The following MMP20 variants were observed in gnomAD, a reference collection of about 807,000 sequenced individuals.
MMP20 encodes matrix metallopeptidase 20.
A neutral mutation model predicts 51.8 loss-of-function variants in MMP20; 50 were observed. The observed-to-expected ratio is 0.97, with a 90% confidence interval of 0.77 to 1.22. MMP20 has a LOEUF of 1.22. MMP20 is among the 50% of genes most tolerant of loss of function. The probability of loss-of-function intolerance (pLI) is 0.00; values close to 1 mark genes in which losing one functional copy is unlikely to be tolerated. For missense variants in MMP20, 663 were observed against 601.4 expected (o/e 1.10, Z -1.07); for synonymous variants, 244 against 216.2 (o/e 1.13, Z -1.13).
intron 4 of MMP20, among the ~76,000 whole-genome samples, 196 bp downstream of exon 4, chr11:102,609,709 C>T (rs543499353): frequency 5.9e-5 from 9 of 152,280 alleles, no homozygotes; most frequent in African/African-American, 2.2e-4. Context: ...TGAAACAGAT[C>T]AGACAAGTCT....
chr11:102,584,060 C>T (rs555237969), intron 8 of MMP20, among the ~76,000 whole-genome samples: 22 of 152,174 alleles, frequency 1.4e-4, no homozygotes, highest in African/African-American at 3.4e-4. Flanking sequence ...TTCCAGCATT[C>T]GTCTATTATT....
At chr11:102,605,537 T>G (rs922173175) in intron 6 of MMP20, 2 of 151,878 alleles carry the variant, frequency 1.3e-5, no homozygotes, top group African/African-American at 4.8e-5. Context: ...CAGGGAACTC[T>G]CTCTAGATCT....
intron 5 of MMP20, 44 bp from the exon 6 acceptor site, chr11:102,606,720 G>A: frequency 6.2e-7 from 1 of 1,609,576 alleles, no homozygotes; most frequent in Non-Finnish European, 8.5e-7. Flanking sequence ...CGGGAATTTG[G>A]AGTTCACACA....
chr11:102,602,247 C>T (rs1402493143), intron 6 of MMP20, among the ~76,000 whole-genome samples: 1 of 149,260 alleles, frequency 6.7e-6, no homozygotes, highest in Non-Finnish European at 1.5e-5. Context: ...GGATTACAGG[C>T]TTGAGCCACC....
chr11:102,609,190 C>G, intron 4 of MMP20, 92 bp from the exon 5 acceptor site: 2 of 1,126,982 alleles, frequency 1.8e-6, no homozygotes, highest in Non-Finnish European at 2.6e-6. Flanking sequence ...GCCCACATTA[C>G]AGTTAACCCA....
chr11:102,608,790 C>G (rs1859553071), intron 5 of MMP20, 147 bp downstream of exon 5: 1 of 842,306 alleles, frequency 1.2e-6, no homozygotes, highest in Non-Finnish European at 2.0e-6. Context: ...TTATAACTAG[C>G]AAATCAGCTC....
At position 102,606,579 on chromosome 11, in the gene MMP20, G is replaced by A. The variant is rs145296288; in HGVS notation, c.909C>T (p.Asp303=). ...PDLCDSSSSF[D]AVTMLGKELL... The stretch of plus-strand genomic sequence containing the variant: ...GCTCCTTCCCCAGCATTGTCACAGC[G>A]TCAAAGGATGAGCTGGAGTCACAGA... The change falls in exon 6 of 10, where the codon GAC becomes GAT. Residue 303 remains aspartate, a synonymous_variant. Coordinates refer to ENST00000260228, the MANE Select transcript of MMP20 (RefSeq NM_004771.4). The A allele has an allele frequency of 1.2e-4, 200 of 1,614,056 alleles. No individual in the cohort carries two copies. Among genetic ancestry groups the A allele is most frequent in the East Asian group, 4.5e-4 (20 of 44,886 alleles).
intron 8 of MMP20, among the ~76,000 whole-genome samples, chr11:102,588,271 T>TA (rs1163736150): frequency 1.3e-5 from 2 of 152,062 alleles, no homozygotes; most frequent in Non-Finnish European, 2.9e-5. Context: ...ATTATTGTTA[T>TA]ACCTATTGTA....
intron 8 of MMP20, among the ~76,000 whole-genome samples, chr11:102,581,672 T>C (rs1859197380): frequency 1.3e-5 from 2 of 152,198 alleles, no homozygotes; most frequent in Admixed American, 1.3e-4. Context: ...GATGGACCAC[T>C]GTAGCTGTGT....
Position 102,594,662 on chromosome 11 carries a change from G to A in MMP20, c.1049C>T (p.Ala350Val). 1 of 1,613,038 alleles carries A rather than the reference G, an allele frequency of 6.2e-7. No individual in the cohort carries two copies. Among genetic ancestry groups the A allele is most frequent in the Non-Finnish European group, 8.5e-7 (1 of 1,179,904 alleles). The change falls in exon 7 of 10, where the codon GCT becomes GTT. Residue 350 changes from alanine (A) to valine (V), a missense_variant. Coordinates refer to ENST00000260228, the MANE Select transcript of MMP20 (RefSeq NM_004771.4). ...FPQLMSNVDA[A>V]YEVAERGTAY... ...AGTGCCCCTCTCAGCCACTTCGTAA[G>A]CTGCATCCACATTGGACATGAGCTG... is the stretch of plus-strand genomic sequence containing the variant.
At chr11:102,598,050 G>A (rs1859403297) in intron 6 of MMP20, among the ~76,000 whole-genome samples, 1 of 144,770 alleles carries the variant, frequency 6.9e-6, no homozygotes, top group South Asian at 2.3e-4. Context: ...TACAGGCGTA[G>A]ACACCATGCC....
chr11:102,598,326 T>C (rs1039427732), intron 6 of MMP20, among the ~76,000 whole-genome samples: 1 of 152,222 alleles, frequency 6.6e-6, no homozygotes, highest in Non-Finnish European at 1.5e-5. Context: ...CAGGATGTAT[T>C]GGAATGAAAA....
chr11:102,622,279 A>C (rs1175360179), intron 1 of MMP20, among the ~76,000 whole-genome samples: 1 of 152,130 alleles, frequency 6.6e-6, no homozygotes, highest in Non-Finnish European at 1.5e-5. Flanking sequence ...CAGATCACTT[A>C]GCAAGAAGAG....
At chr11:102,578,146 A>ATTTTTT (rs35835372) in intron 9 of MMP20, among the ~76,000 whole-genome samples, 1 of 146,682 alleles carries the variant, frequency 6.8e-6, no homozygotes. Flanking sequence ...CTTGAGACAG[A>ATTTTTT]TTTTTTTTTT....
In MMP20 at chr11:102,576,976, T is replaced by C; in HGVS notation, c.*350A>G. On this transcript the variant is annotated 3_prime_UTR_variant, in exon 10 of 10. Transcript: ENST00000260228. ...ACATTTCCTATGAAAAGAATTACAATATATGTCATGGAATCCACCACTAGT... is the reference window on the plus strand; with the variant it reads ...ACATTTCCTATGAAAAGAATTACAACATATGTCATGGAATCCACCACTAGT... 7.9e-6 allele frequency: 2 copies of C among 254,440 alleles called. No homozygotes were observed. The highest frequency in any genetic ancestry group is 9.3e-5 in the East Asian group (1 of 10,712). 15.8% of individuals were successfully genotyped at this position (254,440 alleles called of 1,614,324 possible).
intron 2 of MMP20, among the ~76,000 whole-genome samples, chr11:102,614,966 T>C (rs1021719204): frequency 6.6e-6 from 1 of 151,728 alleles, no homozygotes; most frequent in Non-Finnish European, 1.5e-5. Context: ...CATAGCCTCA[T>C]GAACAGAGAA....
intron 2 of MMP20, among the ~76,000 whole-genome samples, chr11:102,613,657 A>G (rs1046215242): frequency 6.6e-6 from 1 of 152,148 alleles, no homozygotes; most frequent in Non-Finnish European, 1.5e-5. Context: ...AAATGAAAGG[A>G]CTGTGCCCAC....
chr11:102,601,293 C>T (rs570673090), intron 6 of MMP20, among the ~76,000 whole-genome samples: 1 of 85,324 alleles, frequency 1.2e-5, no homozygotes, highest in Non-Finnish European at 2.7e-5. Flanking sequence ...CCACTACGCC[C>T]GGCTAATTTT....
chr11:102,603,345 G>A (rs1329767349), intron 6 of MMP20, among the ~76,000 whole-genome samples: 4 of 152,164 alleles, frequency 2.6e-5, no homozygotes, highest in Non-Finnish European at 5.9e-5. Flanking sequence ...GACTTTTAGC[G>A]GCAGCTGGTA....
Sources: gnomAD v4.1 joint callset for allele counts (sites outside exome capture counted in the v4.1 genomes callset) on GRCh38, gnomAD v4.1.1 for gene constraint, MANE v1.5 for transcripts, NCBI Gene and HGNC (gene_info 2026-07-23, HGNC 2026-07-21) for gene names.